The following GPSM2 variants were observed in gnomAD, a reference collection of about 807,000 sequenced individuals.
GPSM2 encodes G protein-signaling modulator 2.
In GPSM2, 58 loss-of-function variants were observed where a neutral mutation model predicts 78.4. The ratio of observed to expected loss-of-function variants is 0.74; its 90% CI spans 0.60 to 0.92. The LOEUF is 0.92. GPSM2 is among the 40% of genes least tolerant of loss of function. The pLI is 0.00. For missense variants in GPSM2, 700 were observed against 815.5 expected (o/e 0.86, Z 1.73); for synonymous variants, 224 against 280.2 (o/e 0.80, Z 2.00).
chr1:108,918,954 A>G (rs184977999), intron 12 of GPSM2, among the ~76,000 whole-genome samples, 165 bp downstream of exon 12: 1 of 152,234 alleles, frequency 6.6e-6, no homozygotes. Context: ...TAGAAATGGT[A>G]ATTACTGTCT....
At chr1:108,911,798 A>ATT in intron 10 of GPSM2, among the ~76,000 whole-genome samples, 1 of 81,796 alleles carries the variant, frequency 1.2e-5, no homozygotes, top group African/African-American at 6.0e-5. Flanking sequence ...GTGGGAAGAC[A>ATT]ATTTTTTTTT....
chr1:108,909,276 A>G (rs553898922), intron 10 of GPSM2, among the ~76,000 whole-genome samples: 1 of 152,316 alleles, frequency 6.6e-6, no homozygotes, highest in East Asian at 1.9e-4. Flanking sequence ...CTTTAATGGA[A>G]ATATATTGAC....
chr1:108,894,459 A>T (rs1648205607), intron 2 of GPSM2, among the ~76,000 whole-genome samples: 1 of 152,330 alleles, frequency 6.6e-6, no homozygotes, highest in South Asian at 2.1e-4. Flanking sequence ...GCACTTTGGG[A>T]GGCCAAGATG....
Position 108,931,208 on chromosome 1 carries a change from A to ACAT in GPSM2, c.*1269_*1271dup. On this transcript the variant is annotated 3_prime_UTR_variant, in exon 15 of 15. Transcript: ENST00000264126. ...TGTGGTTAGGTCAAGAACCTAGGAC[A>ACAT]CATAAACAAACAGAAAACAGATGAA... is the stretch of plus-strand genomic sequence containing the variant. 1.6e-6 allele frequency: 2 copies of ACAT among 1,215,946 alleles called. No homozygotes were observed. Among genetic ancestry groups the ACAT allele is most frequent in the Non-Finnish European group, 2.2e-6 (2 of 899,444 alleles). The allele number at this position is 1,215,946 out of a possible 1,614,324, so 75.3% of individuals were successfully genotyped here.
At chr1:108,888,493 A>C (rs1647740191) in intron 2 of GPSM2, among the ~76,000 whole-genome samples, 1 of 152,060 alleles carries the variant, frequency 6.6e-6, no homozygotes, top group African/African-American at 2.4e-5. Flanking sequence ...GACTACAGCT[A>C]TGCCTGGCTA....
chr1:108,910,878 T>G (rs547841890), intron 10 of GPSM2, among the ~76,000 whole-genome samples: 2 of 151,550 alleles, frequency 1.3e-5, no homozygotes, highest in East Asian at 3.9e-4. Context: ...AAAAAAAAAT[T>G]CAAGTGGATT....
At chr1:108,887,684 C>G (rs1647669462) in intron 2 of GPSM2, among the ~76,000 whole-genome samples, 1 of 152,154 alleles carries the variant, frequency 6.6e-6, no homozygotes, top group Non-Finnish European at 1.5e-5. Flanking sequence ...CCTATTGCAC[C>G]CTTCTAGATG....
intron 11 of GPSM2, 69 bp downstream of exon 11, chr1:108,914,477 A>G: frequency 1.8e-6 from 2 of 1,112,626 alleles, no homozygotes; most frequent in Non-Finnish European, 2.7e-6. Flanking sequence ...TTTTAATTTA[A>G]TGAAATAATT....
At chr1:108,914,265 ATAATG>A (rs967948245) in intron 10 of GPSM2, 68 bp from the exon 11 acceptor site, 7 of 974,310 alleles carry the variant, frequency 7.2e-6, no homozygotes, top group African/African-American at 6.4e-5. Flanking sequence ...TTAGAACTGA[ATAATG>A]TAATGATGCT....
At chr1:108,909,263 C>G (rs1164224864) in intron 10 of GPSM2, among the ~76,000 whole-genome samples, 1 of 152,176 alleles carries the variant, frequency 6.6e-6, no homozygotes, top group East Asian at 1.9e-4. Context: ...GTGAAAACCA[C>G]TGCTTTAATG....
intron 12 of GPSM2, among the ~76,000 whole-genome samples, chr1:108,919,620 C>T (rs765129556): frequency 2.0e-5 from 3 of 151,902 alleles, no homozygotes; most frequent in Non-Finnish European, 4.4e-5. Flanking sequence ...TGCCTATGGT[C>T]CCAGAGCCTA....
intron 11 of GPSM2, among the ~76,000 whole-genome samples, chr1:108,916,076 T>C (rs898430927): frequency 1.3e-5 from 1 of 76,606 alleles, no homozygotes; most frequent in Non-Finnish European, 2.5e-5. Flanking sequence ...AACCTGTCTA[T>C]ACAAAAAAAA....
intron 10 of GPSM2, among the ~76,000 whole-genome samples, chr1:108,908,728 A>AACACAC (rs71591128): frequency 4.0e-5 from 6 of 148,466 alleles, no homozygotes; most frequent in South Asian, 2.1e-4. Context: ...TCAAAACACA[A>AACACAC]ACACACACAC....
intron 2 of GPSM2, among the ~76,000 whole-genome samples, chr1:108,890,338 T>C (rs570913928): frequency 6.6e-6 from 1 of 152,342 alleles, no homozygotes; most frequent in South Asian, 2.1e-4. Flanking sequence ...CTAAATGTTT[T>C]GAATAGTATT....
intron 12 of GPSM2, among the ~76,000 whole-genome samples, chr1:108,919,100 C>T (rs973912987): frequency 6.6e-5 from 10 of 151,904 alleles, no homozygotes; most frequent in Admixed American, 2.0e-4. Context: ...CTCTGCCTCC[C>T]GGGTTCAAGC....
intron 2 of GPSM2, among the ~76,000 whole-genome samples, chr1:108,894,008 C>T (rs1286864289): frequency 2.0e-5 from 3 of 151,764 alleles, no homozygotes; most frequent in East Asian, 1.9e-4. Flanking sequence ...TGAGCCATTG[C>T]GCTCCAGCCT....
At chr1:108,887,446 C>T (rs986596741) in intron 2 of GPSM2, among the ~76,000 whole-genome samples, 14 of 152,182 alleles carry the variant, frequency 9.2e-5, no homozygotes, top group African/African-American at 3.4e-4. Flanking sequence ...CCCAGAGCAC[C>T]AAGTGCGATG....
intron 14 of GPSM2, chr1:108,924,479 G>C (rs1242584886): frequency 2.1e-6 from 1 of 487,500 alleles, no homozygotes; most frequent in Non-Finnish European, 3.7e-6. Context: ...TATGTGTGTT[G>C]TATTAGGTAA....
At chr1:108,894,317 T>C (rs1238158248) in intron 2 of GPSM2, among the ~76,000 whole-genome samples, 2 of 152,342 alleles carry the variant, frequency 1.3e-5, no homozygotes, top group Admixed American at 6.5e-5. Flanking sequence ...GTATTTTAGA[T>C]CTTCTCTCCT....
Sources: allele counts gnomAD v4.1 joint callset (sites outside exome capture counted in the v4.1 genomes callset), GRCh38; gene constraint gnomAD v4.1.1; transcripts MANE v1.5; gene names NCBI Gene and HGNC (gene_info 2026-07-23, HGNC 2026-07-21).